Variants in SCN2A observed in about 807,000 individuals in gnomAD.
The protein encoded by SCN2A is sodium voltage-gated channel alpha subunit 2.
A neutral mutation model predicts 188.7 loss-of-function variants in SCN2A; 20 were observed. The ratio of observed to expected loss-of-function variants is 0.11; its 90% confidence interval spans 0.07 to 0.15. The LOEUF is 0.15. Ranked by LOEUF, SCN2A falls within the 10% of genes least tolerant of loss-of-function variation. The pLI, the probability that SCN2A is intolerant of heterozygous loss-of-function variation, is 1.00. For synonymous variants in SCN2A, 804 were observed against 833.1 expected (o/e 0.97, Z 0.60); for missense variants, 1,278 against 2,445.0 (o/e 0.52, Z 10.07).
intron 1 of SCN2A, among the ~76,000 whole-genome samples, chr2:165,240,425 C>T (rs1339846353): frequency 1.3e-5 from 2 of 152,044 alleles, no homozygotes; most frequent in East Asian, 3.9e-4. Context: ...TGGAATGACT[C>T]AGGAGGTGGA....
At chr2:165,356,015 A>G (rs1700165486) in intron 17 of SCN2A, among the ~76,000 whole-genome samples, 1 of 150,272 alleles carries the variant, frequency 6.7e-6, no homozygotes, top group Non-Finnish European at 1.5e-5. Flanking sequence ...AAAAAAAAAG[A>G]ACTAGCTATT....
intron 16 of SCN2A, among the ~76,000 whole-genome samples, chr2:165,349,385 C>T (rs1157780457): frequency 6.6e-6 from 1 of 152,096 alleles, no homozygotes; most frequent in Non-Finnish European, 1.5e-5. Context: ...TGACAGTGAA[C>T]CAGTGATATT....
At chr2:165,257,551 G>A (rs913841489) in intron 1 of SCN2A, among the ~76,000 whole-genome samples, 1 of 151,848 alleles carries the variant, frequency 6.6e-6, no homozygotes, top group African/African-American at 2.4e-5. Context: ...TGTTGTTGTT[G>A]TTTTTGAGAC....
At chr2:165,351,590 C>T (rs555128133) in intron 16 of SCN2A, among the ~76,000 whole-genome samples, 2 of 151,784 alleles carry the variant, frequency 1.3e-5, no homozygotes, top group South Asian at 4.1e-4. Context: ...AAAAAAGCTT[C>T]TCTACTTATT....
intron 15 of SCN2A, among the ~76,000 whole-genome samples, chr2:165,343,538 T>G (rs549859922): frequency 6.6e-6 from 1 of 152,316 alleles, no homozygotes; most frequent in African/African-American, 2.4e-5. Context: ...GTCAGGCTCT[T>G]TTGCATAAAT....
chr2:165,375,505 G>A (rs1327447323), intron 22 of SCN2A, among the ~76,000 whole-genome samples: 2 of 151,840 alleles, frequency 1.3e-5, no homozygotes, highest in African/African-American at 2.4e-5. Flanking sequence ...CAGAAACAGT[G>A]TTTGTGTATG....
chr2:165,264,236 A>G (rs1694738378), intron 1 of SCN2A, among the ~76,000 whole-genome samples: 1 of 152,136 alleles, frequency 6.6e-6, no homozygotes, highest in Non-Finnish European at 1.5e-5. Context: ...CCCACAGCAT[A>G]TCAAAAAGAT....
chr2:165,269,626 T>G (rs1339134737), intron 1 of SCN2A: 1 of 152,200 alleles, frequency 6.6e-6, no homozygotes, highest in East Asian at 1.9e-4. Context: ...TGGTCATTAT[T>G]ATGATGCTTT....
At chr2:165,338,854 C>T (rs529486248) in intron 14 of SCN2A, among the ~76,000 whole-genome samples, 8 of 152,126 alleles carry the variant, frequency 5.3e-5, no homozygotes, top group Non-Finnish European at 1.0e-4. Flanking sequence ...ACTCAACAGT[C>T]ATTTGTGAGA....
At chr2:165,312,849 G>C (rs1697516537) in intron 8 of SCN2A, among the ~76,000 whole-genome samples, 1 of 152,130 alleles carries the variant, frequency 6.6e-6, no homozygotes, top group African/African-American at 2.4e-5. Flanking sequence ...GTGGACATTA[G>C]TAGCTAATAC....
chr2:165,283,686 C>T (rs374660971), intron 1 of SCN2A, among the ~76,000 whole-genome samples: 2 of 152,144 alleles, frequency 1.3e-5, no homozygotes, highest in East Asian at 3.8e-4. Context: ...GAAAGGGATC[C>T]AGTGACTTTT....
At chr2:165,383,909 G>C (rs546661348) in intron 25 of SCN2A, among the ~76,000 whole-genome samples, 14 of 151,936 alleles carry the variant, frequency 9.2e-5, no homozygotes, top group Admixed American at 2.6e-4. Flanking sequence ...GAGAGAGTGA[G>C]AGGAAGGAGG....
chr2:165,369,017 T>C (rs1700881008), intron 19 of SCN2A, among the ~76,000 whole-genome samples: 1 of 151,906 alleles, frequency 6.6e-6, no homozygotes, highest in African/African-American at 2.4e-5. Flanking sequence ...CCTCCATCTC[T>C]TGGGTTCATG....
At chr2:165,383,702 A>G (rs1046600521) in intron 25 of SCN2A, among the ~76,000 whole-genome samples, 8 of 152,212 alleles carry the variant, frequency 5.3e-5, no homozygotes, top group African/African-American at 1.9e-4. Flanking sequence ...TTTGTGAGCT[A>G]TCACCAGAGT....
At chr2:165,296,675 A>ATT (rs2106150371) in intron 2 of SCN2A, 1 of 177,312 alleles carries the variant, frequency 5.6e-6, no homozygotes, top group East Asian at 1.7e-4. Flanking sequence ...TCATGAGAAA[A>ATT]TTTTCTAACC....
intron 17 of SCN2A, 86 bp from the exon 18 acceptor site, chr2:165,365,057 G>T: frequency 8.5e-7 from 1 of 1,176,814 alleles, no homozygotes; most frequent in Non-Finnish European, 1.2e-6. Context: ...GCATACAGAA[G>T]ATGGGGGGGG....
chr2:165,336,095 A>G (rs1178018159), intron 14 of SCN2A, among the ~76,000 whole-genome samples: 2 of 151,924 alleles, frequency 1.3e-5, no homozygotes, highest in African/African-American at 4.8e-5. Context: ...AAGAAAGCCA[A>G]TACCATTTTT....
chr2:165,323,043 C>T (rs1485741298), intron 11 of SCN2A, 113 bp from the exon 12 acceptor site: 2 of 1,048,592 alleles, frequency 1.9e-6, no homozygotes, highest in East Asian at 2.5e-5. Flanking sequence ...TGTCCAATGA[C>T]TTATCCTTGA....
At position 165,367,153 on chromosome 2, in the gene SCN2A, C is replaced by G. The variant is rs1452027642; in HGVS notation, c.3521-64C>G. The G allele has an allele frequency of 2.6e-6, 4 of 1,510,914 alleles. No individual in the cohort carries two copies. In the African/African-American group the frequency reaches 5.5e-5, roughly 21 times the overall value. The allele number at this position is 1,510,914 out of a possible 1,614,324, so 93.6% of individuals were successfully genotyped here. A position where few individuals can be genotyped will look rare whatever the true frequency, so the allele number is the denominator to read the frequency against. ...GGTAATAATGTAAATGAATCTCCCA[C>G]CAACACAAATATACCTAATCAAAGA... is the stretch of plus-strand genomic sequence containing the variant. On this transcript the variant is annotated intron_variant, in intron 18 of 26. Transcript: ENST00000375437.
Sources: allele counts gnomAD v4.1 joint callset (sites outside exome capture counted in the v4.1 genomes callset), GRCh38; gene constraint gnomAD v4.1.1; transcripts MANE v1.5; gene names NCBI Gene and HGNC (gene_info 2026-07-23, HGNC 2026-07-21).